The following USP8 variants were observed in gnomAD, a reference collection of about 807,000 sequenced individuals.
USP8 encodes the protein ubiquitin specific peptidase 8, also known as ubiquitin carboxyl-terminal hydrolase 8.
USP8 carries 27 observed loss-of-function variants against 130.0 expected under a neutral mutation model. That is an observed-to-expected ratio of 0.21 (90% CI 0.15 to 0.29). The LOEUF (loss-of-function observed/expected upper bound fraction) is 0.29, where lower values mean the gene tolerates loss of function less well. USP8 is among the 10% of genes least tolerant of loss of function. USP8 has a pLI of 1.00. For missense variants in USP8, 1,029 were observed against 1,312.2 expected, an observed-to-expected ratio of 0.78 and a Z score of 3.33; for synonymous variants, 392 against 444.1, an observed-to-expected ratio of 0.88 and a Z score of 1.48.
intron 5 of USP8, among the ~76,000 whole-genome samples, chr15:50,459,980 T>G (rs2050926136): frequency 9.2e-5 from 9 of 97,744 alleles, no homozygotes; most frequent in South Asian, 3.8e-4. Context: ...TCTCCCCCAG[T>G]TCCCCCACCC....
chr15:50,461,282 G>C (rs557773774), intron 5 of USP8, among the ~76,000 whole-genome samples: 2 of 151,774 alleles, frequency 1.3e-5, no homozygotes, highest in East Asian at 1.9e-4. Flanking sequence ...GTCAGCCACC[G>C]TGCCTGGCCT....
intron 8 of USP8, among the ~76,000 whole-genome samples, chr15:50,473,614 T>G (rs1344735795): frequency 6.6e-6 from 1 of 151,812 alleles, no homozygotes; most frequent in East Asian, 1.9e-4. Context: ...TCCTACTGCC[T>G]CAGCCTCCTG....
intron 5 of USP8, among the ~76,000 whole-genome samples, chr15:50,459,669 T>C (rs1259768124): frequency 6.6e-6 from 1 of 152,186 alleles, no homozygotes; most frequent in African/African-American, 2.4e-5. Context: ...CAATATTTTC[T>C]CTGCATTAAT....
intron 3 of USP8, among the ~76,000 whole-genome samples, chr15:50,443,912 C>T (rs998673359): frequency 2.6e-5 from 4 of 152,142 alleles, no homozygotes; most frequent in Non-Finnish European, 4.4e-5. Context: ...CCATACTTAT[C>T]TGCAGGTAAG....
In USP8 at chr15:50,492,774, G is replaced by C; in HGVS notation, c.2308G>C (p.Gly770Arg). 1 of 1,614,102 alleles carries C rather than the reference G, an allele frequency of 6.2e-7. No homozygotes were observed. The highest frequency in any genetic ancestry group is 8.5e-7 in the Non-Finnish European group (1 of 1,180,018). Reference protein sequence around the residue: ...SQIRNLNPVFGGSGPALTGLR... With the variant: ...SQIRNLNPVFRGSGPALTGLR... The stretch of plus-strand genomic sequence containing the variant: ...GATTCGGAACCTCAATCCTGTTTTT[G>C]GAGGTTCTGGACCAGCTCTTACTGG... The change falls in exon 15 of 20, where the codon GGA becomes CGA. Residue 770 changes from glycine (G) to arginine (R), a missense_variant. Around this residue, in one of 4 missense-constraint regions of USP8, gnomAD observed 257 missense variants for 429.8 expected, o/e 0.60. Coordinates refer to ENST00000307179, the MANE Select transcript of USP8 (RefSeq NM_005154.5).
intron 12 of USP8, among the ~76,000 whole-genome samples, chr15:50,486,150 C>G (rs994471313): frequency 1.3e-5 from 2 of 151,972 alleles, no homozygotes; most frequent in African/African-American, 2.4e-5. Context: ...AAATCTGAGA[C>G]CAGCCTTGGC....
At chr15:50,431,865 A>G in intron 1 of USP8, among the ~76,000 whole-genome samples, 1 of 152,086 alleles carries the variant, frequency 6.6e-6, no homozygotes, top group African/African-American at 2.4e-5. Context: ...CATATTGGTC[A>G]GGCTGGTCTT....
At position 50,490,538 on chromosome 15, in the gene USP8, T is replaced by C; in HGVS notation, c.2234+13T>C. ...ATCGGGAAAACAAGTATGTTTATCT[T>C]AACTCCTAGAACTAAAATAATGTGC... On this transcript the variant is annotated intron_variant, in intron 14 of 19. Coordinates refer to ENST00000307179, the MANE Select transcript of USP8 (RefSeq NM_005154.5). The C allele has an allele frequency of 3.7e-6, 6 of 1,611,690 alleles. No individual in the cohort carries two copies. Among genetic ancestry groups the C allele is most frequent in the Non-Finnish European group, 5.1e-6 (6 of 1,179,450 alleles).
intron 18 of USP8, chr15:50,498,357 C>T: frequency 2.3e-6 from 1 of 427,044 alleles, no homozygotes; most frequent in South Asian, 4.6e-5. Context: ...AGTCCTACCT[C>T]TACCATTCTG....
At chr15:50,470,995 G>A (rs1410581381) in intron 7 of USP8, among the ~76,000 whole-genome samples, 1 of 152,196 alleles carries the variant, frequency 6.6e-6, no homozygotes, top group Non-Finnish European at 1.5e-5. Flanking sequence ...AGGCAGCATA[G>A]CAAAGAACAT....
In USP8 at chr15:50,465,027, C is replaced by T; in HGVS notation, c.542-20C>T. 1 of 1,611,692 alleles carries T rather than the reference C, an allele frequency of 6.2e-7. No individual in the cohort carries two copies. Among genetic ancestry groups the T allele is most frequent in the Non-Finnish European group, 8.5e-7 (1 of 1,178,812 alleles). ...CTTGTGCTGTTTCTTGTCACTTACA[C>T]TGTCTCTCTCAATTCCAAGGAGCAA... On this transcript the variant is annotated intron_variant, in intron 6 of 19. Coordinates refer to ENST00000307179, the MANE Select transcript of USP8 (RefSeq NM_005154.5).
chr15:50,457,644 C>T (rs2050834369), intron 4 of USP8, among the ~76,000 whole-genome samples: 1 of 149,658 alleles, frequency 6.7e-6, no homozygotes, highest in Non-Finnish European at 1.5e-5. Context: ...AGGTGGGTCA[C>T]CTGAGGTTAG....
intron 8 of USP8, among the ~76,000 whole-genome samples, chr15:50,472,653 G>C (rs1028886651): frequency 9.3e-5 from 14 of 151,202 alleles, no homozygotes; most frequent in African/African-American, 3.4e-4. Flanking sequence ...GCCCATGCCT[G>C]TAATCCCAAC....
chr15:50,495,094 T>C lies in USP8; in HGVS notation c.2659-754T>C, dbSNP rs550677062. On this transcript the variant is annotated intron_variant, in intron 16 of 19. Coordinates refer to ENST00000307179, the MANE Select transcript of USP8 (RefSeq NM_005154.5). ...TAGTTATTATAAAGGCATGTATGTA[T>C]ACATAAATGACCACCCTCCATTTAC... Among the ~76,000 whole-genome samples the C allele has an allele frequency of 1.9e-4, 29 of 151,796 alleles. 1 individual carries two copies. In the South Asian group the frequency reaches 5.6e-3, roughly 29 times the overall value.
chr15:50,481,452 A>C, intron 10 of USP8, 29 bp from the exon 11 acceptor site: 1 of 1,463,252 alleles, frequency 6.8e-7, no homozygotes, highest in Non-Finnish European at 9.0e-7. Flanking sequence ...TTTTGACAAA[A>C]ATGTTTTGCT....
intron 1 of USP8, chr15:50,432,490 CT>C (rs1465671972): frequency 1.8e-4 from 27 of 152,224 alleles, no homozygotes; most frequent in Admixed American, 1.8e-3. Flanking sequence ...CTTGCTGCTA[CT>C]TTAAAAAGGT....
At chr15:50,454,058 T>TTTACCA (rs2050711319) in intron 4 of USP8, among the ~76,000 whole-genome samples, 1 of 152,028 alleles carries the variant, frequency 6.6e-6, no homozygotes. Context: ...GAGATGGGGT[T>TTTACCA]TTACCATGTT....
chr15:50,489,047 A>G (rs567403076), intron 12 of USP8, among the ~76,000 whole-genome samples: 6 of 152,302 alleles, frequency 3.9e-5, no homozygotes, highest in East Asian at 1.9e-4. Context: ...CATGAAGAAT[A>G]TAAAAATAGA....
Position 50,510,164 on chromosome 15 carries a change from G to A in USP8, c.*11076G>A, listed in dbSNP as rs2052718713. On this transcript the variant is annotated 3_prime_UTR_variant, in exon 20 of 20. Transcript: ENST00000307179. ...AGGAAAACCAGCATTATATGTTACT[G>A]AGGAAAAGAAGAGGCTGAGACATTT... The A allele has an allele frequency of 6.6e-6, 1 of 151,226 alleles. No individual in the cohort carries two copies. The highest frequency in any genetic ancestry group is 6.6e-5 in the Admixed American group (1 of 15,256). The allele number at this position is 151,226 out of a possible 1,614,324, so 9.4% of individuals were successfully genotyped here.
Sources: gnomAD v4.1 joint callset for allele counts (sites outside exome capture counted in the v4.1 genomes callset) on GRCh38, gnomAD v4.1.1 for gene constraint, gnomAD v4.1.1 regional missense constraint, MANE v1.5 for transcripts, NCBI Gene and HGNC (gene_info 2026-07-23, HGNC 2026-07-21) for gene names.